Variants in VPS53 observed in about 807,000 individuals in gnomAD.
VPS53 encodes vacuolar protein sorting-associated protein 53 homolog.
Under a neutral mutation model 107.0 loss-of-function variants are expected in VPS53, and 70 were observed. The ratio of observed to expected loss-of-function variants is 0.65; its 90% confidence interval spans 0.54 to 0.80. VPS53 has a LOEUF of 0.80. Ranked by LOEUF, VPS53 falls within the 30% of genes least tolerant of loss-of-function variation. The probability of loss-of-function intolerance (pLI) is 0.00; values close to 1 mark genes in which losing one functional copy is unlikely to be tolerated. For missense variants in VPS53, 917 were observed against 1,049.4 expected, an observed-to-expected ratio of 0.87 and a Z score of 1.74; for synonymous variants, 409 against 393.3, an observed-to-expected ratio of 1.04 and a Z score of -0.47.
chr17:567,902 G>T (rs1913683869), intron 13 of VPS53, among the ~76,000 whole-genome samples: 1 of 151,706 alleles, frequency 6.6e-6, no homozygotes, highest in Non-Finnish European at 1.5e-5. Flanking sequence ...GGAGGGGAGG[G>T]GAGGGGAGGG....
At chr17:573,666 C>T (rs956687711) in intron 13 of VPS53, among the ~76,000 whole-genome samples, 2 of 152,160 alleles carry the variant, frequency 1.3e-5, no homozygotes, top group African/African-American at 4.8e-5. Flanking sequence ...GCCACAAAGT[C>T]CATGAGGTCG....
chr17:561,993 A>G (rs772883264), intron 14 of VPS53, among the ~76,000 whole-genome samples: 14 of 152,140 alleles, frequency 9.2e-5, no homozygotes, highest in Non-Finnish European at 2.1e-4. Context: ...CTGACCCCCA[A>G]TCCTACCGCA....
At chr17:698,644 A>G (rs1057339572) in intron 3 of VPS53, among the ~76,000 whole-genome samples, 1 of 151,856 alleles carries the variant, frequency 6.6e-6, no homozygotes, top group African/African-American at 2.4e-5. Flanking sequence ...TCGAGGCTGC[A>G]GTGAGCTGTA....
At chr17:611,857 T>G (rs1259677698) in intron 11 of VPS53, among the ~76,000 whole-genome samples, 1 of 151,390 alleles carries the variant, frequency 6.6e-6, no homozygotes, top group Non-Finnish European at 1.5e-5. Context: ...TGTACAAATA[T>G]TCACATAGTG....
intron 5 of VPS53, among the ~76,000 whole-genome samples, chr17:660,605 C>A (rs1454171230): frequency 6.6e-6 from 1 of 151,858 alleles, no homozygotes; most frequent in Non-Finnish European, 1.5e-5. Context: ...GCTTTGAGGG[C>A]CCCTGGTGCT....
intron 12 of VPS53, among the ~76,000 whole-genome samples, chr17:600,508 A>G (rs1328803017): frequency 6.6e-6 from 1 of 152,254 alleles, no homozygotes; most frequent in African/African-American, 2.4e-5. Flanking sequence ...CATGCCAGTC[A>G]ATACTATGAC....
At chr17:576,141 G>C (rs575411328) in intron 13 of VPS53, among the ~76,000 whole-genome samples, 2 of 151,366 alleles carry the variant, frequency 1.3e-5, no homozygotes, top group South Asian at 4.2e-4. Flanking sequence ...AGAACCTAAT[G>C]AGTTTCCAAA....
chr17:591,682 A>G (rs1371312452), intron 12 of VPS53, among the ~76,000 whole-genome samples: 4 of 151,826 alleles, frequency 2.6e-5, no homozygotes, highest in Non-Finnish European at 4.4e-5. Flanking sequence ...CATGTAGTTG[A>G]GCGGTTTTGA....
chr17:672,175 A>ACCTCTC (rs1971987159), intron 4 of VPS53, among the ~76,000 whole-genome samples: 2 of 107,068 alleles, frequency 1.9e-5, no homozygotes, highest in Non-Finnish European at 3.9e-5. Flanking sequence ...CACAATCTCA[A>ACCTCTC]TCTCTCTCTC....
intron 13 of VPS53, among the ~76,000 whole-genome samples, chr17:578,068 C>T (rs1248871111): frequency 2.6e-5 from 4 of 151,584 alleles, no homozygotes; most frequent in African/African-American, 4.9e-5. Flanking sequence ...TCCCTCAGAA[C>T]CTAATGCGTT....
At chr17:648,302 C>T (rs995338062) in intron 7 of VPS53, among the ~76,000 whole-genome samples, 3 of 152,212 alleles carry the variant, frequency 2.0e-5, no homozygotes, top group Admixed American at 6.5e-5. Flanking sequence ...CATCCCAGCA[C>T]TTTGGGAGAC....
At chr17:559,340 T>C (rs1307906205) in intron 15 of VPS53, among the ~76,000 whole-genome samples, 1 of 152,236 alleles carries the variant, frequency 6.6e-6, no homozygotes, top group Non-Finnish European at 1.5e-5. Flanking sequence ...ATGTATCGTA[T>C]TTCTTTCTGT....
chr17:592,010 T>C (rs1360849068), intron 12 of VPS53, among the ~76,000 whole-genome samples: 2 of 152,280 alleles, frequency 1.3e-5, no homozygotes, highest in South Asian at 2.1e-4. Flanking sequence ...TCTCCCATTA[T>C]TAATGTGTGG....
chr17:533,709 T>TA (rs141612864), intron 18 of VPS53, among the ~76,000 whole-genome samples: 1,558 of 152,324 alleles, frequency 0.01, 25 homozygotes, highest in African/African-American at 0.034. Flanking sequence ...CTCATTTGCT[T>TA]ACATGTCTAT....
chr17:700,924 A>C (rs1973173271), intron 2 of VPS53, among the ~76,000 whole-genome samples: 1 of 152,202 alleles, frequency 6.6e-6, no homozygotes, highest in South Asian at 2.1e-4. Flanking sequence ...GAAACAGGCC[A>C]TGAGTGTTTG....
intron 17 of VPS53, among the ~76,000 whole-genome samples, chr17:542,601 ATT>A (rs918926729): frequency 6.6e-6 from 1 of 152,158 alleles, no homozygotes; most frequent in Non-Finnish European, 1.5e-5. Context: ...AAATCACTAA[ATT>A]TCGATAACTG....
At chr17:699,220 G>A (rs1388612533) in intron 3 of VPS53, 111 bp downstream of exon 3, 2 of 759,602 alleles carry the variant, frequency 2.6e-6, no homozygotes, top group Admixed American at 3.3e-5. Context: ...TACCATCTAT[G>A]GCAAACTTGA....
intron 19 of VPS53, 55 bp downstream of exon 19, chr17:532,787 G>GC (rs775536053): frequency 1.2e-6 from 2 of 1,605,738 alleles, no homozygotes; most frequent in Admixed American, 1.7e-5. Context: ...AAGAATATGT[G>GC]CTTGATCTAC....
At position 595,862 on chromosome 17, in the gene VPS53, T is replaced by C. The variant is rs1397263701; in HGVS notation, c.1218+5933A>G. On this transcript the variant is annotated intron_variant, in intron 12 of 21. Coordinates refer to ENST00000437048, the MANE Select transcript of VPS53 (RefSeq NM_001128159.3). ...GCTGGGAGATGGGAAGGGGTCTGGA[T>C]CAATTTCCTCGTTTGATGATGCACT... is the stretch of plus-strand genomic sequence containing the variant. Among the ~76,000 whole-genome samples the C allele has an allele frequency of 1.7e-4, 22 of 127,042 alleles. No individual in the cohort carries two copies. In the South Asian group the frequency reaches 1.7e-3, roughly 10 times the overall value. The allele number at this position is 127,042 out of a possible 152,430, so 83.3% of individuals were successfully genotyped here.
Sources: allele counts gnomAD v4.1 joint callset (sites outside exome capture counted in the v4.1 genomes callset), GRCh38; gene constraint gnomAD v4.1.1; transcripts MANE v1.5; gene names NCBI Gene and HGNC (gene_info 2026-07-23, HGNC 2026-07-21).